SMOC1: variants seen among roughly 807,000 people sequenced by gnomAD.
SMOC1 encodes the protein SPARC related modular calcium binding 1, also known as SPARC-related modular calcium-binding protein 1.
SMOC1 carries 22 observed loss-of-function variants against 56.3 expected under a neutral mutation model. That is an observed-to-expected ratio of 0.39 (90% confidence interval 0.28 to 0.56). SMOC1 has a LOEUF of 0.56. SMOC1 is among the 20% of genes least tolerant of loss of function. SMOC1 has a pLI of 0.61. For missense variants in SMOC1, 509 were observed against 565.4 expected (o/e 0.90, Z 1.01); for synonymous variants, 193 against 215.0 (o/e 0.90, Z 0.89).
intron 1 of SMOC1, among the ~76,000 whole-genome samples, chr14:69,925,634 G>A (rs114142520): frequency 0.027 from 4,124 of 152,174 alleles, 178 homozygotes; most frequent in African/African-American, 0.091. Flanking sequence ...CTGTGTCTCC[G>A]TCTCCGGCAC....
chr14:70,022,164 C>G (rs12436175), intron 10 of SMOC1, among the ~76,000 whole-genome samples: 32,727 of 152,192 alleles, frequency 0.22, 4,258 homozygotes, highest in East Asian at 0.41. Context: ...CCATTCTCCT[C>G]GTTAGTGAAC....
At chr14:69,895,579 C>G (rs926512348) in intron 1 of SMOC1, among the ~76,000 whole-genome samples, 2 of 152,146 alleles carry the variant, frequency 1.3e-5, no homozygotes, top group African/African-American at 4.8e-5. Context: ...TGAAAGTGAC[C>G]AGGGTCCTCC....
Position 69,992,490 on chromosome 14 carries a change from C to T in SMOC1, c.583+17C>T, listed in dbSNP as rs776231083. 5.7e-6 allele frequency: 9 copies of T among 1,590,292 alleles called. No individual in the cohort carries two copies. The Admixed American group carries it at 1.0e-4, about 18-fold the overall frequency. On this transcript the variant is annotated intron_variant, in intron 6 of 11. Coordinates refer to ENST00000361956, the MANE Select transcript of SMOC1 (RefSeq NM_001034852.3). Reference sequence around the variant, plus strand: ...ATGGAGATGGTAAGATCTTGCATTACTTCTGATGTTCATTCTCCCACTCAT... The same window carrying T: ...ATGGAGATGGTAAGATCTTGCATTATTTCTGATGTTCATTCTCCCACTCAT...
At chr14:70,011,196 T>C (rs1358561688) in intron 8 of SMOC1, among the ~76,000 whole-genome samples, 1 of 152,220 alleles carries the variant, frequency 6.6e-6, no homozygotes, top group African/African-American at 2.4e-5. Flanking sequence ...GATGAGATTA[T>C]TGCCCTTTCT....
intron 7 of SMOC1, among the ~76,000 whole-genome samples, chr14:70,003,289 C>A (rs866464920): frequency 6.6e-5 from 10 of 152,214 alleles, no homozygotes; most frequent in Non-Finnish European, 1.0e-4. Context: ...TGGGACAACT[C>A]CTTTTGCAAT....
At chr14:69,933,966 A>G (rs563409139) in intron 1 of SMOC1, among the ~76,000 whole-genome samples, 1 of 152,368 alleles carries the variant, frequency 6.6e-6, no homozygotes, top group South Asian at 2.1e-4. Context: ...GTATTAATGT[A>G]GTAACATCTA....
chr14:69,993,200 G>A (rs1424531475), intron 6 of SMOC1, among the ~76,000 whole-genome samples: 1 of 152,130 alleles, frequency 6.6e-6, no homozygotes, highest in East Asian at 1.9e-4. Context: ...TGAGAGTTGA[G>A]GCAGGACATT....
chr14:69,978,632 T>A (rs1884060907), intron 5 of SMOC1, among the ~76,000 whole-genome samples: 1 of 152,218 alleles, frequency 6.6e-6, no homozygotes. Context: ...CTTAAAATTT[T>A]AATTTTTCTT....
At chr14:69,898,721 T>TTCC (rs1233485466) in intron 1 of SMOC1, among the ~76,000 whole-genome samples, 1 of 152,252 alleles carries the variant, frequency 6.6e-6, no homozygotes, top group Non-Finnish European at 1.5e-5. Flanking sequence ...GCCCTTAGCA[T>TTCC]ATTAATCATA....
At chr14:69,976,368 C>A (rs949899095) in intron 4 of SMOC1, among the ~76,000 whole-genome samples, 1 of 152,130 alleles carries the variant, frequency 6.6e-6, no homozygotes, top group African/African-American at 2.4e-5. Flanking sequence ...TAAAGAGAAC[C>A]CAGATATCGA....
At chr14:69,933,524 A>T (rs61980647) in intron 1 of SMOC1, among the ~76,000 whole-genome samples, 7,235 of 152,200 alleles carry the variant, frequency 0.048, 222 homozygotes, top group Non-Finnish European at 0.074. Context: ...AATGTAAAAG[A>T]CATTTTTTTG....
intron 7 of SMOC1, among the ~76,000 whole-genome samples, chr14:69,996,988 T>C (rs1884788490): frequency 6.6e-6 from 1 of 152,196 alleles, no homozygotes; most frequent in Non-Finnish European, 1.5e-5. Context: ...TCTGTGACCA[T>C]TTTCATCTAA....
chr14:69,923,564 C>T (rs1417781943), intron 1 of SMOC1, among the ~76,000 whole-genome samples: 4 of 152,160 alleles, frequency 2.6e-5, no homozygotes, highest in Non-Finnish European at 2.9e-5. Flanking sequence ...TGCCTTCATC[C>T]TGGATCCTCT....
At chr14:69,966,040 G>A (rs1300124498) in intron 3 of SMOC1, among the ~76,000 whole-genome samples, 2 of 152,168 alleles carry the variant, frequency 1.3e-5, no homozygotes, top group African/African-American at 4.8e-5. Flanking sequence ...AGTGAAGTCA[G>A]ACAGGAGAAC....
At chr14:70,008,484 A>G (rs1885220566) in intron 7 of SMOC1, among the ~76,000 whole-genome samples, 1 of 152,204 alleles carries the variant, frequency 6.6e-6, no homozygotes, top group African/African-American at 2.4e-5. Context: ...CACTGACTAT[A>G]AACAGCTCAG....
At chr14:69,881,394 TTGC>T (rs1248564845) in intron 1 of SMOC1, among the ~76,000 whole-genome samples, 1 of 151,110 alleles carries the variant, frequency 6.6e-6, no homozygotes, top group Non-Finnish European at 1.5e-5. Context: ...GCTCGTTTGT[TTGC>T]TGCTGGGCTT....
rs145004390 is a variant in SMOC1 at position 70,011,690 on chromosome 14, G to A, written c.940+123G>A. ...CATGTGTAAGATGGAGCCAGGAGCC[G>A]TGGGATCTACATCCTGGTCTGGGAT... On this transcript the variant is annotated intron_variant, in intron 9 of 11. Coordinates refer to ENST00000361956, the MANE Select transcript of SMOC1 (RefSeq NM_001034852.3). The A allele has an allele frequency of 4.8e-4, 431 of 896,532 alleles. 6 individuals are homozygous for A. In the South Asian group the frequency reaches 5.4e-3, roughly 11 times the overall value. The allele number at this position is 896,532 out of a possible 1,614,324, so 55.5% of individuals were successfully genotyped here.
At chr14:69,920,603 C>A (rs1884812004) in intron 1 of SMOC1, among the ~76,000 whole-genome samples, 1 of 152,176 alleles carries the variant, frequency 6.6e-6, no homozygotes, top group South Asian at 2.1e-4. Context: ...AGACACAGCG[C>A]CAGGTAAGGA....
intron 5 of SMOC1, among the ~76,000 whole-genome samples, chr14:69,990,445 A>G (rs981436531): frequency 2.6e-5 from 4 of 152,060 alleles, no homozygotes; most frequent in Admixed American, 6.6e-5. Flanking sequence ...AGCCTGTAAG[A>G]CTCCTAAAAT....
Sources: gnomAD v4.1 joint callset for allele counts (sites outside exome capture counted in the v4.1 genomes callset) on GRCh38, gnomAD v4.1.1 for gene constraint, MANE v1.5 for transcripts, NCBI Gene and HGNC (gene_info 2026-07-23, HGNC 2026-07-21) for gene names.